TECPR1: variants seen among roughly 807,000 people sequenced by gnomAD.
TECPR1 encodes tectonin beta-propeller repeat-containing protein 1.
A neutral mutation model predicts 162.4 loss-of-function variants in TECPR1; 122 were observed. The ratio of observed to expected loss-of-function variants is 0.75; its 90% CI spans 0.65 to 0.87. TECPR1 has a LOEUF of 0.87. Among genes scored for constraint, TECPR1 ranks in the 40% least tolerant of loss-of-function variants. TECPR1 has a pLI of 0.00. For synonymous variants in TECPR1, 642 were observed against 670.6 expected (o/e 0.96, Z 0.66); for missense variants, 1,432 against 1,618.2 (o/e 0.88, Z 1.97).
Position 98,243,457 on chromosome 7 carries a change from T to C in TECPR1, c.657+10A>G, listed in dbSNP as rs1295606479. ...TGGGGAGCCAGGGCAGGGAGAGGGG[T>C]TGGCCTTACCTTGCCCTGCAGAGAC... On this transcript the variant is annotated intron_variant, in intron 6 of 25. Transcript: ENST00000447648. 27 of 1,611,614 alleles carry C rather than the reference T, an allele frequency of 1.7e-5. No homozygotes were observed. The highest frequency in any genetic ancestry group is 2.2e-5 in the East Asian group (1 of 44,862).
intron 17 of TECPR1, among the ~76,000 whole-genome samples, chr7:98,227,318 G>A (rs1225632348): frequency 6.6e-6 from 1 of 151,302 alleles, no homozygotes; most frequent in Non-Finnish European, 1.5e-5. Flanking sequence ...CTTGAACCTG[G>A]GAGGCAGAGG....
At chr7:98,225,458 C>A (rs1398667283) in intron 17 of TECPR1, among the ~76,000 whole-genome samples, 1 of 151,596 alleles carries the variant, frequency 6.6e-6, no homozygotes, top group East Asian at 2.0e-4. Context: ...TCGCTTGAAC[C>A]CGGGAGGCGG....
rs1797997396 is a variant in TECPR1 at position 98,215,980 on chromosome 7, C to G, written c.*1410G>C. Reference sequence around the variant, plus strand: ...ATACACACAACGGACCCCCAGCTGACAGTGAGACCAGGACCCTAGGAAGGT... The same window carrying G: ...ATACACACAACGGACCCCCAGCTGAGAGTGAGACCAGGACCCTAGGAAGGT... On this transcript the variant is annotated 3_prime_UTR_variant, in exon 26 of 26. Coordinates refer to ENST00000447648, the MANE Select transcript of TECPR1 (RefSeq NM_015395.3). 1.3e-5 allele frequency: 2 copies of G among 152,264 alleles called. No individual in the cohort carries two copies. The highest frequency in any genetic ancestry group is 4.8e-5 in the African/African-American group (2 of 41,452). 9.4% of individuals were successfully genotyped at this position (152,264 alleles called of 1,614,324 possible). A position where few individuals can be genotyped will look rare whatever the true frequency, so the allele number is the denominator to read the frequency against.
intron 13 of TECPR1, 92 bp downstream of exon 13, chr7:98,231,711 CT>C: frequency 6.7e-7 from 1 of 1,485,760 alleles, no homozygotes; most frequent in Non-Finnish European, 9.1e-7. Context: ...TTCTGTACCC[CT>C]CCCCTGGGCA....
intron 23 of TECPR1, 103 bp downstream of exon 23, chr7:98,221,558 C>A: frequency 1.0e-6 from 1 of 957,046 alleles, no homozygotes; most frequent in Non-Finnish European, 1.6e-6. Context: ...AACTCCTGAT[C>A]TCAGGTGATC....
chr7:98,244,650 T>G lies in TECPR1; in HGVS notation c.452A>C (p.Asp151Ala). 1 of 1,612,936 alleles carries G rather than the reference T, an allele frequency of 6.2e-7. No individual in the cohort carries two copies. Among genetic ancestry groups the G allele is most frequent in the Non-Finnish European group, 8.5e-7 (1 of 1,179,568 alleles). ...CCGCACACAAGAATTCCACTTCTTG[T>G]CTTTCGTGTAGGTGGCGGGAAAGTC... ...AIDFPATYTK[D>A]KKWNSCVRRR... The change falls in exon 5 of 26, where the codon GAC (aspartate) becomes GCC (alanine). Residue 151 changes from aspartate to alanine, a missense_variant. Asp to Ala is a moderately radical substitution (Grantham distance 126, BLOSUM62 -2). Coordinates refer to ENST00000447648, the MANE Select transcript of TECPR1 (RefSeq NM_015395.3).
chr7:98,226,151 G>A (rs1318509094), intron 17 of TECPR1, among the ~76,000 whole-genome samples: 2 of 152,188 alleles, frequency 1.3e-5, no homozygotes, highest in Non-Finnish European at 2.9e-5. Context: ...CCTGTCCTCC[G>A]TCGGAACTGA....
Position 98,231,322 on chromosome 7 carries a change from C to G in TECPR1, c.2026G>C (p.Glu676Gln). 6.2e-7 allele frequency: 1 copy of G among 1,611,584 alleles called. No homozygotes were observed. Among genetic ancestry groups the G allele is most frequent in the Non-Finnish European group, 8.5e-7 (1 of 1,178,998 alleles). ...EVVALVPVLNETKHSFALYTP... is the reference protein window; with the variant it reads ...EVVALVPVLNQTKHSFALYTP... ...TACAGGGCAAAGGAGTGCTTGGTCT[C>G]GTTCAGCACTGGGACCAGCGCCACC... Residue 676 changes from glutamate to glutamine, a missense_variant, in exon 14 of 26, where the codon GAG (glutamate) becomes CAG (glutamine). Glu to Gln is a conservative substitution (Grantham distance 29, BLOSUM62 2). Transcript: ENST00000447648.
At position 98,236,360 on chromosome 7, in the gene TECPR1, C is replaced by T. The variant is rs1798600362; in HGVS notation, c.1181+416G>A. 5.3e-5 allele frequency among the ~76,000 whole-genome samples: 8 copies of T among 152,198 alleles called. No homozygotes were observed. In the South Asian group the frequency reaches 1.7e-3, roughly 31 times the overall value. On this transcript the variant is annotated intron_variant, in intron 10 of 25. Transcript: ENST00000447648. ...CTGCTGCAGGCTGGGCAGAGACCCT[C>T]TGTCTTGTCCTTGTTTCCCCTGGAC...
chr7:98,247,301 C>A (rs1227564843), intron 2 of TECPR1, among the ~76,000 whole-genome samples: 6 of 151,950 alleles, frequency 3.9e-5, no homozygotes, highest in Admixed American at 3.9e-4. Flanking sequence ...CCATACCCAG[C>A]TAATTAAAAA....
At chr7:98,221,094 G>A (rs62479823) in intron 23 of TECPR1, among the ~76,000 whole-genome samples, 56,875 of 149,628 alleles carry the variant, frequency 0.38, 12,646 homozygotes, top group Middle Eastern at 0.61. Flanking sequence ...TTGAGGTCAG[G>A]AGTTTGAGAC....
intron 22 of TECPR1, 94 bp downstream of exon 22, chr7:98,222,292 C>G: frequency 6.8e-7 from 1 of 1,480,460 alleles, no homozygotes; most frequent in Non-Finnish European, 9.0e-7. Context: ...GAAGTCCCAG[C>G]TTCTGGGGGA....
chr7:98,214,995 CAG>C lies in TECPR1; in HGVS notation c.*2393_*2394del, dbSNP rs1430510743. ...CCAGTGTTTCGAGGAGGAGAGGGGA[CAG>C]GGGCCAGGTCCACTCCCTTGGCCCT... On this transcript the variant is annotated 3_prime_UTR_variant, in exon 26 of 26. Coordinates refer to ENST00000447648, the MANE Select transcript of TECPR1 (RefSeq NM_015395.3). 6.6e-6 allele frequency: 1 copy of C among 152,528 alleles called. No individual in the cohort carries two copies. The highest frequency in any genetic ancestry group is 1.9e-4 in the East Asian group (1 of 5,198). 9.4% of individuals were successfully genotyped at this position (152,528 alleles called of 1,614,324 possible). A position where few individuals can be genotyped will look rare whatever the true frequency, so the allele number is the denominator to read the frequency against.
chr7:98,233,980 T>G, intron 10 of TECPR1, 69 bp from the exon 11 acceptor site: 1 of 1,457,606 alleles, frequency 6.9e-7, no homozygotes, highest in Non-Finnish European at 9.1e-7. Flanking sequence ...CAGGCCCAGC[T>G]CCAGCGTGCT....
rs575387551 is a variant in TECPR1, at chr7:98,245,958, G to A, written c.189C>T (p.Val63=). ...QVYVYVCASD[V]PIRRREEAYE... Reference sequence around the variant, plus strand: ...AGGCCTCCTCTCGGCGGCGGATGGGGACATCGCTGGCACACACATACACGT... The same window carrying A: ...AGGCCTCCTCTCGGCGGCGGATGGGAACATCGCTGGCACACACATACACGT... Residue 63 remains valine, a synonymous_variant, in exon 3 of 26, where the codon GTC becomes GTT. Coordinates refer to ENST00000447648, the MANE Select transcript of TECPR1 (RefSeq NM_015395.3). The A allele has an allele frequency of 1.9e-6, 3 of 1,606,032 alleles. No individual in the cohort carries two copies. The South Asian group carries it at 3.4e-5, about 18-fold the overall frequency.
At chr7:98,235,849 A>AAAAAAAAAACAAC in intron 10 of TECPR1, among the ~76,000 whole-genome samples, 6 of 110,314 alleles carry the variant, frequency 5.4e-5, no homozygotes, top group Admixed American at 2.0e-4. Context: ...AAAAAAAAAA[A>AAAAAAAAAACAAC]AACACCATCT....
At position 98,233,812 on chromosome 7, in the gene TECPR1, C is replaced by A. The variant is rs574158986; in HGVS notation, c.1281G>T (p.Gln427His). 1 of 1,605,686 alleles carries A rather than the reference C, an allele frequency of 6.2e-7. No individual in the cohort carries two copies. The highest frequency in any genetic ancestry group is 1.1e-5 in the South Asian group (1 of 89,834). The change falls in exon 11 of 26, where the codon CAG (glutamine) becomes CAT (histidine). Residue 427 changes from glutamine to histidine, a missense_variant. By Grantham distance (24) the Gln-to-His change is conservative. Transcript: ENST00000447648. ...SSEVERPGPG[Q>H]ILPAEPLDDS... ...CGTCTAGAGGTTCTGCAGGGAGAATCTGGCCAGGCCCTGGTCTCTCGACTT... is the reference window on the plus strand; with the variant it reads ...CGTCTAGAGGTTCTGCAGGGAGAATATGGCCAGGCCCTGGTCTCTCGACTT...
At chr7:98,234,076 C>T (rs1264642352) in intron 10 of TECPR1, among the ~76,000 whole-genome samples, 165 bp from the exon 11 acceptor site, 1 of 152,242 alleles carries the variant, frequency 6.6e-6, no homozygotes, top group Non-Finnish European at 1.5e-5. Context: ...TACATCAGCA[C>T]CTGCTTCCAG....
chr7:98,231,681 C>A, intron 13 of TECPR1, 123 bp downstream of exon 13: 1 of 1,183,296 alleles, frequency 8.5e-7, no homozygotes, highest in Non-Finnish European at 1.2e-6. Flanking sequence ...ATTTCTGTGT[C>A]CCTCCCTGGG....
Sources: gnomAD v4.1 joint callset for allele counts (sites outside exome capture counted in the v4.1 genomes callset) on GRCh38, gnomAD v4.1.1 for gene constraint, MANE v1.5 for transcripts, NCBI Gene and HGNC (gene_info 2026-07-23, HGNC 2026-07-21) for gene names.